CDCA7: variants seen among roughly 807,000 people sequenced by gnomAD.
CDCA7 encodes the protein cell division cycle associated 7.
In CDCA7, 28 loss-of-function variants were observed where a neutral mutation model predicts 54.0. The observed-to-expected ratio is 0.52, with a 90% confidence interval of 0.38 to 0.71. CDCA7 has a LOEUF of 0.71. Ranked by LOEUF, CDCA7 falls within the 30% of genes least tolerant of loss-of-function variation. The pLI is 0.00. For missense variants in CDCA7, 484 were observed against 586.0 expected, an observed-to-expected ratio of 0.83 and a Z score of 1.80; for synonymous variants, 180 against 208.2, an observed-to-expected ratio of 0.86 and a Z score of 1.16.
intron 5 of CDCA7, 32 bp downstream of exon 5, chr2:173,363,927 T>C (rs758295944): frequency 6.3e-6 from 10 of 1,581,572 alleles, no homozygotes; most frequent in South Asian, 5.6e-5. Context: ...TATACAGTAG[T>C]GTTTTGGGCA....
chr2:173,363,028 G>T (rs1686651872), intron 3 of CDCA7, among the ~76,000 whole-genome samples, 198 bp from the exon 4 acceptor site: 1 of 152,204 alleles, frequency 6.6e-6, no homozygotes, highest in South Asian at 2.1e-4. Context: ...TTATAACAGT[G>T]TGGTCCAGAT....
Position 173,368,877 on chromosome 2 carries a change from T to A in CDCA7, c.*1213T>A, listed in dbSNP as rs1020142516. ...TCTGTAATGCTTTTATACAAAAGTT[T>A]ATTTTAATAATAAAATGTTTGTTCT... On this transcript the variant is annotated 3_prime_UTR_variant, in exon 10 of 10. Transcript: ENST00000306721. The A allele has an allele frequency of 1.3e-5, 2 of 152,234 alleles. No individual in the cohort carries two copies. The highest frequency in any genetic ancestry group is 2.9e-5 in the Non-Finnish European group (2 of 68,048). The allele number at this position is 152,234 out of a possible 1,614,324, so 9.4% of individuals were successfully genotyped here. A position where few individuals can be genotyped will look rare whatever the true frequency, so the allele number is the denominator to read the frequency against.
intron 6 of CDCA7, 123 bp from the exon 7 acceptor site, chr2:173,365,329 T>G (rs1445929773): frequency 2.7e-6 from 3 of 1,106,142 alleles, no homozygotes; most frequent in Admixed American, 5.4e-5. Flanking sequence ...TATCTGAGAT[T>G]CAAAGCTGGG....
At position 173,368,060 on chromosome 2, in the gene CDCA7, TG is replaced by T. The variant is rs1686756132; in HGVS notation, c.*397del. The T allele has an allele frequency of 5.5e-6, 1 of 182,002 alleles. No homozygotes were observed. Among genetic ancestry groups the T allele is most frequent in the Non-Finnish European group, 1.1e-5 (1 of 86,976 alleles). The allele number at this position is 182,002 out of a possible 1,614,324, so 11.3% of individuals were successfully genotyped here. A position where few individuals can be genotyped will look rare whatever the true frequency, so the allele number is the denominator to read the frequency against. ...AATAGTATTAACTAACTAGATCTAT[TG>T]AATTTCAGAGAAGAGCCTTCTAACT... On this transcript the variant is annotated 3_prime_UTR_variant, in exon 10 of 10. Transcript: ENST00000306721.
chr2:173,357,457 A>G (rs1269199602), intron 1 of CDCA7, among the ~76,000 whole-genome samples: 1 of 152,172 alleles, frequency 6.6e-6, no homozygotes, highest in East Asian at 1.9e-4. Context: ...TCCTTGTACC[A>G]TTTGTTGAAG....
rs369933460 is a variant in CDCA7 at position 173,359,258 on chromosome 2, C to T, written c.151C>T (p.Pro51Ser). 28 of 1,608,296 alleles carry T rather than the reference C, an allele frequency of 1.7e-5. No individual in the cohort carries two copies. The highest frequency in any genetic ancestry group is 4.0e-5 in the African/African-American group (3 of 74,698). ...FASDNFANTK[P>S]KFRSDISEEL... ...CATTTATTTATTTATTTTACAGAAA[C>T]CTAAATTCAGGTCAGATATCAGTGA... Residue 51 changes from proline (P) to serine (S), a missense_variant, in exon 3 of 10, where the codon CCT (proline) becomes TCT (serine). Pro to Ser is a moderately conservative substitution (Grantham distance 74, BLOSUM62 -1). Around this residue, in one of 3 missense-constraint regions of CDCA7, gnomAD observed 398 missense variants for 447.4 expected, o/e 0.89. Coordinates refer to ENST00000306721, the MANE Select transcript of CDCA7 (RefSeq NM_031942.5).
rs1686463088 is a variant in CDCA7, at chr2:173,354,895, G to A, written c.-69G>A. 6.8e-7 allele frequency: 1 copy of A among 1,470,236 alleles called. No homozygotes were observed. Among genetic ancestry groups the A allele is most frequent in the Non-Finnish European group, 9.0e-7 (1 of 1,116,534 alleles). The allele number at this position is 1,470,236 out of a possible 1,614,324, so 91.1% of individuals were successfully genotyped here. A position where few individuals can be genotyped will look rare whatever the true frequency, so the allele number is the denominator to read the frequency against. Reference sequence around the variant, plus strand: ...GCGCTGCTGCTGCTCCTCCTGCTGTGGGACCGCTGACCGCGCGGCTGCTCC... The same window carrying A: ...GCGCTGCTGCTGCTCCTCCTGCTGTAGGACCGCTGACCGCGCGGCTGCTCC... On this transcript the variant is annotated 5_prime_UTR_variant, in exon 1 of 10. Transcript: ENST00000306721.
chr2:173,362,440 C>T (rs978988296), intron 3 of CDCA7, among the ~76,000 whole-genome samples: 1 of 151,950 alleles, frequency 6.6e-6, no homozygotes, highest in East Asian at 1.9e-4. Context: ...GACTTGTATA[C>T]TTAGAAATGG....
chr2:173,365,578 T>C lies in CDCA7; in HGVS notation c.1021T>C (p.Tyr341His), dbSNP rs1481146658. Reference sequence around the variant, plus strand: ...CTGCAGCAATTCTCGAGAGAAGATATATAACCGTTCACTGGTGAGAGCCTC... The same window carrying C: ...CTGCAGCAATTCTCGAGAGAAGATACATAACCGTTCACTGGTGAGAGCCTC... The part of the protein sequence containing the change: ...NVCSNSREKI[Y>H]NRSLGSTCHQ... The change falls in exon 7 of 10, where the codon TAT becomes CAT. Residue 341 changes from tyrosine to histidine, a missense_variant. Coordinates refer to ENST00000306721, the MANE Select transcript of CDCA7 (RefSeq NM_031942.5). 1.9e-6 allele frequency: 3 copies of C among 1,613,946 alleles called. No homozygotes were observed. Among genetic ancestry groups the C allele is most frequent in the Non-Finnish European group, 2.5e-6 (3 of 1,180,006 alleles).
chr2:173,358,696 C>T lies in CDCA7; in HGVS notation c.22-16C>T. 1 of 1,610,936 alleles carries T rather than the reference C, an allele frequency of 6.2e-7. No individual in the cohort carries two copies. The highest frequency in any genetic ancestry group is 2.2e-5 in the East Asian group (1 of 44,842). ...GTAAGCATCACGCTTAATAGGATTG[C>T]TATTTCCATTTGCAGCAGAAAGATC... On this transcript the variant is annotated splice_polypyrimidine_tract_variant and intron_variant, in intron 1 of 9. Coordinates refer to ENST00000306721, the MANE Select transcript of CDCA7 (RefSeq NM_031942.5).
intron 5 of CDCA7, 168 bp downstream of exon 5, chr2:173,364,063 G>A: frequency 1.7e-6 from 1 of 576,184 alleles, no homozygotes; most frequent in Non-Finnish European, 3.0e-6. Flanking sequence ...CTTGAATCCT[G>A]GGCAGTTTGG....
chr2:173,365,135 A>G (rs1213775327), intron 6 of CDCA7, 146 bp downstream of exon 6: 1 of 1,315,356 alleles, frequency 7.6e-7, no homozygotes, highest in Non-Finnish European at 9.9e-7. Flanking sequence ...TGTAAACGTC[A>G]CATAAGCTTA....
intron 3 of CDCA7, among the ~76,000 whole-genome samples, chr2:173,360,082 A>G (rs1686591174): frequency 6.6e-6 from 1 of 152,218 alleles, no homozygotes; most frequent in South Asian, 2.1e-4. Flanking sequence ...AATTCTGCAC[A>G]CATTTTCCTG....
intron 3 of CDCA7, among the ~76,000 whole-genome samples, chr2:173,360,938 A>G (rs1261169118): frequency 1.3e-5 from 2 of 152,062 alleles, no homozygotes; most frequent in African/African-American, 2.4e-5. Flanking sequence ...GTACCCATTA[A>G]CAGTCACTCC....
chr2:173,362,640 A>G (rs1039824921), intron 3 of CDCA7, among the ~76,000 whole-genome samples: 1 of 151,154 alleles, frequency 6.6e-6, no homozygotes, highest in Non-Finnish European at 1.5e-5. Context: ...CAGTGGCACG[A>G]ACACGGCTCA....
chr2:173,367,797 C>A lies in CDCA7; in HGVS notation c.*133C>A. 1 of 964,860 alleles carries A rather than the reference C, an allele frequency of 1.0e-6. No homozygotes were observed. Among genetic ancestry groups the A allele is most frequent in the Non-Finnish European group, 1.7e-6 (1 of 600,022 alleles). The allele number at this position is 964,860 out of a possible 1,614,324, so 59.8% of individuals were successfully genotyped here. On this transcript the variant is annotated 3_prime_UTR_variant, in exon 10 of 10. Coordinates refer to ENST00000306721, the MANE Select transcript of CDCA7 (RefSeq NM_031942.5). ...CATAAGAAACTCCAATCAAGTTAAT[C>A]TTAGCAGACATGTGTTTCTGGAGCA...
rs1301443222 is a variant in CDCA7, at chr2:173,367,904, C to G, written c.*240C>G. On this transcript the variant is annotated 3_prime_UTR_variant, in exon 10 of 10. Coordinates refer to ENST00000306721, the MANE Select transcript of CDCA7 (RefSeq NM_031942.5). Reference sequence around the variant, plus strand: ...CCAACCCCCATCTCACAGCATCCCCCTCTATTTCCAATGCTCCTCTCCAAC... The same window carrying G: ...CCAACCCCCATCTCACAGCATCCCCGTCTATTTCCAATGCTCCTCTCCAAC... 1 of 559,260 alleles carries G rather than the reference C, an allele frequency of 1.8e-6. No homozygotes were observed. Among genetic ancestry groups the G allele is most frequent in the Non-Finnish European group, 3.2e-6 (1 of 315,458 alleles). 34.6% of individuals were successfully genotyped at this position (559,260 alleles called of 1,614,324 possible).
chr2:173,367,033 A>G, intron 8 of CDCA7, 117 bp from the exon 9 acceptor site: 1 of 1,352,460 alleles, frequency 7.4e-7, no homozygotes. Context: ...AGGCATGACT[A>G]ATGCCTATTA....
intron 1 of CDCA7, chr2:173,356,278 T>TA (rs958838276): frequency 2.0e-5 from 3 of 152,220 alleles, no homozygotes; most frequent in Admixed American, 2.0e-4. Context: ...GCTGACTTGT[T>TA]AAAGCTCAGC....
Sources: allele counts gnomAD v4.1 joint callset (sites outside exome capture counted in the v4.1 genomes callset), GRCh38; gene constraint gnomAD v4.1.1; regional missense constraint gnomAD v4.1.1; transcripts MANE v1.5; gene names NCBI Gene and HGNC (gene_info 2026-07-23, HGNC 2026-07-21).